Variants in ANKFN1 observed in about 807,000 individuals in gnomAD.
ANKFN1 encodes ankyrin repeat and fibronectin type-III domain-containing protein 1.
ANKFN1 carries 74 observed loss-of-function variants against 108.7 expected under a neutral mutation model. That is an observed-to-expected ratio of 0.68 (90% confidence interval 0.56 to 0.83). The LOEUF is 0.83. ANKFN1 is among the 40% of genes least tolerant of loss of function. ANKFN1 has a pLI of 0.00. For missense variants in ANKFN1, 1,505 were observed against 1,382.3 expected (o/e 1.09, Z -1.41); for synonymous variants, 547 against 516.2 (o/e 1.06, Z -0.81).
At chr17:56,307,388 A>T (rs146227191) in intron 3 of ANKFN1, among the ~76,000 whole-genome samples, 256 of 151,846 alleles carry the variant, frequency 1.7e-3, no homozygotes, top group African/African-American at 5.9e-3. Context: ...CAAGAAAAAA[A>T]CAAACAACCC....
chr17:56,265,293 T>C (rs1203682379), intron 3 of ANKFN1, among the ~76,000 whole-genome samples: 2 of 152,246 alleles, frequency 1.3e-5, no homozygotes, highest in East Asian at 1.9e-4. Context: ...CTTACCATCA[T>C]GGCAGAAGGC....
intron 4 of ANKFN1, among the ~76,000 whole-genome samples, chr17:56,102,560 G>A (rs1905667290): frequency 6.6e-6 from 1 of 152,046 alleles, no homozygotes; most frequent in East Asian, 1.9e-4. Flanking sequence ...TGAAGCAGTG[G>A]CTCTCAAACA....
At chr17:56,447,394 C>T (rs2049334377) in intron 10 of ANKFN1, among the ~76,000 whole-genome samples, 1 of 152,172 alleles carries the variant, frequency 6.6e-6, no homozygotes, top group Non-Finnish European at 1.5e-5. Context: ...ACACAAACTC[C>T]AACCAAGCTT....
At position 56,147,152 on chromosome 17, in the gene ANKFN1, T is replaced by A. The variant is rs528237611; in HGVS notation, c.289-80765T>A. Among the ~76,000 whole-genome samples the A allele has an allele frequency of 5.9e-5, 9 of 152,286 alleles. No homozygotes were observed. The East Asian group carries it at 1.5e-3, about 26-fold the overall frequency. ...GACCACTTCAGCCTGGACATGTCAT[T>A]GTCCATACCACTATCAGCATTTTGG... On this transcript the variant is annotated intron_variant, in intron 4 of 12. Transcript: ENST00000635860.
intron 4 of ANKFN1, among the ~76,000 whole-genome samples, chr17:56,065,330 G>A (rs865777970): frequency 3.3e-5 from 5 of 152,180 alleles, no homozygotes; most frequent in African/African-American, 9.7e-5. Flanking sequence ...ATTCAGATGA[G>A]TATGACTTTC....
Position 56,139,925 on chromosome 17 carries a change from G to A in ANKFN1, c.289-87992G>A, listed in dbSNP as rs1907818269. On this transcript the variant is annotated intron_variant, in intron 4 of 12. Coordinates refer to the ANKFN1 transcript ENST00000635860. ...ATCCATTTCCTCTGGCAACTGGATTGAAACAAAGTTCAGTCCTTAACCTCT... is the reference window on the plus strand; with the variant it reads ...ATCCATTTCCTCTGGCAACTGGATTAAAACAAAGTTCAGTCCTTAACCTCT... Among the ~76,000 whole-genome samples the A allele has an allele frequency of 2.0e-5, 3 of 152,264 alleles. No individual in the cohort carries two copies. The South Asian group carries it at 6.2e-4, about 32-fold the overall frequency.
chr17:56,409,630 C>T (rs2048027852), intron 8 of ANKFN1, among the ~76,000 whole-genome samples: 1 of 152,180 alleles, frequency 6.6e-6, no homozygotes, highest in African/African-American at 2.4e-5. Flanking sequence ...AGTTAATCAG[C>T]ATCTCTTTAA....
chr17:56,240,557 C>G (rs1348147291), intron 3 of ANKFN1, among the ~76,000 whole-genome samples: 1 of 152,070 alleles, frequency 6.6e-6, no homozygotes, highest in Non-Finnish European at 1.5e-5. Context: ...AAGATGTAAA[C>G]TTATTGGATT....
intron 15 of ANKFN1, chr17:56,471,101 G>C (rs2050302110): frequency 6.6e-6 from 1 of 152,316 alleles, no homozygotes; most frequent in South Asian, 2.1e-4. Context: ...GAGGATGAGT[G>C]AGTCGTTTTG....
At chr17:56,455,736 A>G (rs1297504317) in intron 11 of ANKFN1, among the ~76,000 whole-genome samples, 2 of 152,224 alleles carry the variant, frequency 1.3e-5, no homozygotes, top group Non-Finnish European at 2.9e-5. Context: ...TATTAGGGCA[A>G]GCTCCATGTT....
intron 4 of ANKFN1, among the ~76,000 whole-genome samples, chr17:56,347,106 C>T (rs931420196): frequency 2.1e-4 from 32 of 151,480 alleles, no homozygotes; most frequent in Non-Finnish European, 4.3e-4. Flanking sequence ...CTTTATTCCA[C>T]CCTTCCCTCT....
chr17:56,070,633 C>G (rs1282858123), intron 4 of ANKFN1, among the ~76,000 whole-genome samples: 2 of 152,168 alleles, frequency 1.3e-5, no homozygotes, highest in Non-Finnish European at 2.9e-5. Context: ...GTTCTCTTAA[C>G]CTGCCACCTC....
chr17:56,058,096 A>G (rs1461497716), intron 4 of ANKFN1, among the ~76,000 whole-genome samples: 1 of 152,230 alleles, frequency 6.6e-6, no homozygotes, highest in East Asian at 1.9e-4. Context: ...TAGATTTAGC[A>G]TAATTTTTAA....
intron 2 of ANKFN1, among the ~76,000 whole-genome samples, chr17:56,227,066 A>G (rs1388777238): frequency 6.6e-6 from 1 of 152,090 alleles, no homozygotes; most frequent in African/African-American, 2.4e-5. Flanking sequence ...AGGTCTGAGG[A>G]CACCATGATT....
At chr17:56,428,408 T>A (rs897687081) in intron 8 of ANKFN1, among the ~76,000 whole-genome samples, 121 of 152,110 alleles carry the variant, frequency 8.0e-4, no homozygotes, top group African/African-American at 2.8e-3. Context: ...GTGACATTAA[T>A]TATATGCTAT....
intron 18 of ANKFN1, among the ~76,000 whole-genome samples, chr17:56,486,531 T>A (rs1341100285): frequency 6.6e-6 from 1 of 152,198 alleles, no homozygotes; most frequent in Non-Finnish European, 1.5e-5. Flanking sequence ...ACTTCCTCCA[T>A]CAGGCATCTG....
chr17:56,309,668 A>G (rs1262408058), intron 3 of ANKFN1, among the ~76,000 whole-genome samples: 1 of 152,190 alleles, frequency 6.6e-6, no homozygotes, highest in African/African-American at 2.4e-5. Context: ...GATGCCTAAA[A>G]TCCTGGATAA....
intron 2 of ANKFN1, among the ~76,000 whole-genome samples, chr17:56,213,141 CA>C (rs1915150044): frequency 6.6e-6 from 1 of 152,142 alleles, no homozygotes; most frequent in Non-Finnish European, 1.5e-5. Flanking sequence ...CTTTAACATA[CA>C]GAGCAGCTGG....
intron 8 of ANKFN1, among the ~76,000 whole-genome samples, chr17:56,398,232 T>G (rs1307374609): frequency 6.6e-6 from 1 of 152,198 alleles, no homozygotes; most frequent in East Asian, 1.9e-4. Context: ...ACTTGGTACA[T>G]GATACATTAT....
Sources: allele counts gnomAD v4.1 joint callset (sites outside exome capture counted in the v4.1 genomes callset), GRCh38; gene constraint gnomAD v4.1.1; transcripts MANE v1.5; gene names NCBI Gene and HGNC (gene_info 2026-07-23, HGNC 2026-07-21).